The following ENOX1 variants were observed in gnomAD, a reference collection of about 807,000 sequenced individuals.
ENOX1 encodes ecto-NOX disulfide-thiol exchanger 1, also known as candidate growth-related and time keeping constitutive hydroquinone (NADH) oxidase.
ENOX1 carries 42 observed loss-of-function variants against 82.5 expected under a neutral mutation model. The ratio of observed to expected loss-of-function variants is 0.51; its 90% CI spans 0.40 to 0.66. The LOEUF (loss-of-function observed/expected upper bound fraction) is 0.66, where lower values mean the gene tolerates loss of function less well. Ranked by LOEUF, ENOX1 falls within the 30% of genes least tolerant of loss-of-function variation. The probability of loss-of-function intolerance (pLI) is 0.00; values close to 1 mark genes in which losing one functional copy is unlikely to be tolerated. For missense variants in ENOX1, 608 were observed against 811.6 expected (o/e 0.75, Z 3.05); for synonymous variants, 271 against 282.2 (o/e 0.96, Z 0.40).
At chr13:43,521,527 G>A (rs1333297600) in intron 2 of ENOX1, among the ~76,000 whole-genome samples, 3 of 152,060 alleles carry the variant, frequency 2.0e-5, no homozygotes, top group Non-Finnish European at 4.4e-5. Flanking sequence ...CTATACCTTA[G>A]ACAGACTGCA....
intron 1 of ENOX1, among the ~76,000 whole-genome samples, chr13:43,735,278 T>TA (rs1223024610): frequency 2.0e-5 from 3 of 152,114 alleles, no homozygotes; most frequent in African/African-American, 7.2e-5. Context: ...TAAACAGACA[T>TA]AAAAAATTCC....
intron 2 of ENOX1, among the ~76,000 whole-genome samples, chr13:43,609,166 A>G (rs1391106280): frequency 2.0e-5 from 3 of 152,196 alleles, no homozygotes; most frequent in Admixed American, 1.3e-4. Context: ...TCAGGTGGAT[A>G]TACATAGGTA....
At chr13:43,329,687 T>C (rs1421837834) in intron 9 of ENOX1, among the ~76,000 whole-genome samples, 4 of 152,190 alleles carry the variant, frequency 2.6e-5, no homozygotes, top group Non-Finnish European at 5.9e-5. Context: ...TTTATACTTA[T>C]GAACTTATAC....
intron 1 of ENOX1, among the ~76,000 whole-genome samples, chr13:43,699,293 G>C (rs2086795958): frequency 6.6e-6 from 1 of 152,162 alleles, no homozygotes; most frequent in South Asian, 2.1e-4. Flanking sequence ...TCTGGTTCAG[G>C]AGTCTGATTT....
rs113661732 is a variant in ENOX1, at chr13:43,494,251, C to G, written c.-218-10099G>C. 1.6e-3 allele frequency among the ~76,000 whole-genome samples: 245 copies of G among 152,158 alleles called. 1 individual carries two copies. Among genetic ancestry groups the G allele is most frequent in the African/African-American group, 5.8e-3 (241 of 41,528 alleles). On this transcript the variant is annotated intron_variant, in intron 2 of 16. Coordinates refer to ENST00000690772, the MANE Select transcript of ENOX1 (RefSeq NM_001347969.2). ...AATCACAATTAACTAATACGAAGAC[C>G]CACAGATACTGTGAGACTAATATGA...
At chr13:43,671,309 C>T (rs1234495896) in intron 1 of ENOX1, among the ~76,000 whole-genome samples, 2 of 152,158 alleles carry the variant, frequency 1.3e-5, no homozygotes, top group African/African-American at 4.8e-5. Flanking sequence ...CGGACTAACA[C>T]ATCATCTAAT....
intron 5 of ENOX1, among the ~76,000 whole-genome samples, chr13:43,392,232 T>C (rs1183265661): frequency 1.3e-5 from 2 of 152,380 alleles, no homozygotes; most frequent in South Asian, 2.1e-4. Context: ...CCATTTCTAA[T>C]GATACGTTCA....
chr13:43,716,263 G>A (rs537247242), intron 1 of ENOX1, among the ~76,000 whole-genome samples: 1 of 152,232 alleles, frequency 6.6e-6, no homozygotes, highest in African/African-American at 2.4e-5. Flanking sequence ...CTGTTTGTTA[G>A]TTTTCCTTCT....
At chr13:43,547,687 T>C (rs1330595793) in intron 2 of ENOX1, 1 of 152,214 alleles carries the variant, frequency 6.6e-6, no homozygotes, top group Non-Finnish European at 1.5e-5. Context: ...ATGAGTAGTC[T>C]GAGTTAACAA....
chr13:43,731,583 T>C (rs1356401155), intron 1 of ENOX1, among the ~76,000 whole-genome samples: 1 of 151,580 alleles, frequency 6.6e-6, no homozygotes, highest in Non-Finnish European at 1.5e-5. Context: ...CATTCTGGAG[T>C]AAGAGAAGAT....
chr13:43,477,773 A>T (rs2153653301), intron 3 of ENOX1, among the ~76,000 whole-genome samples: 1 of 152,250 alleles, frequency 6.6e-6, no homozygotes, highest in East Asian at 1.9e-4. Context: ...CCAAGTTTTC[A>T]TTGTTTCTAC....
rs183575860 is a variant in ENOX1 at position 43,542,781 on chromosome 13, C to T, written c.-218-58629G>A. 2.0e-4 allele frequency among the ~76,000 whole-genome samples: 30 copies of T among 152,286 alleles called. No individual in the cohort carries two copies. In the East Asian group the frequency reaches 5.0e-3, roughly 25 times the overall value. ...GACTGCTGTAATACAATACTGTACA[C>T]TGGGTGGCTTATAAACAACAGAAAT... is the stretch of plus-strand genomic sequence containing the variant. On this transcript the variant is annotated intron_variant, in intron 2 of 16. Coordinates refer to ENST00000690772, the MANE Select transcript of ENOX1 (RefSeq NM_001347969.2).
chr13:43,232,093 CTTTTTTTTTT>C lies in ENOX1; in HGVS notation c.1714+4533_1714+4542del, dbSNP rs33932346. Among the ~76,000 whole-genome samples the C allele has an allele frequency of 5.5e-5, 6 of 109,554 alleles. No homozygotes were observed. In the Admixed American group the frequency reaches 5.6e-4, roughly 10 times the overall value. The allele number at this position is 109,554 out of a possible 152,430, so 71.9% of individuals were successfully genotyped here. Reference sequence around the variant, plus strand: ...GGTGCATGCCACCATGCCCAGCTAACTTTTTTTTTTTTTTTTTTTTGTAGAGATGGGAGTC... The same window carrying C: ...GGTGCATGCCACCATGCCCAGCTAACTTTTTTTTTTGTAGAGATGGGAGTC... On this transcript the variant is annotated intron_variant, in intron 15 of 16. Transcript: ENST00000690772.
chr13:43,731,731 C>G (rs1470079173), intron 1 of ENOX1, among the ~76,000 whole-genome samples: 1 of 152,166 alleles, frequency 6.6e-6, no homozygotes, highest in Non-Finnish European at 1.5e-5. Flanking sequence ...CACTGTCTAA[C>G]TGGCTTAAAG....
intron 2 of ENOX1, among the ~76,000 whole-genome samples, chr13:43,658,136 G>C (rs1313071890): frequency 6.6e-6 from 1 of 152,086 alleles, no homozygotes; most frequent in Non-Finnish European, 1.5e-5. Context: ...AATATAAAAA[G>C]TTATGTTTAT....
chr13:43,377,215 T>C (rs569537873), intron 5 of ENOX1, among the ~76,000 whole-genome samples: 3 of 152,286 alleles, frequency 2.0e-5, no homozygotes, highest in African/African-American at 7.2e-5. Flanking sequence ...GGTTAGTTAT[T>C]GTGAGAGCGG....
chr13:43,249,878 C>T (rs543497838), intron 14 of ENOX1, among the ~76,000 whole-genome samples: 3 of 152,274 alleles, frequency 2.0e-5, no homozygotes, highest in South Asian at 2.1e-4. Flanking sequence ...CTCTATTCAC[C>T]GCTGCCTTGC....
intron 1 of ENOX1, among the ~76,000 whole-genome samples, chr13:43,681,686 A>AACAT (rs2085791352): frequency 7.4e-6 from 1 of 135,264 alleles, no homozygotes. Context: ...ATAATGCATA[A>AACAT]ACACACACAC....
At chr13:43,599,435 C>T (rs1333352964) in intron 2 of ENOX1, among the ~76,000 whole-genome samples, 1 of 151,934 alleles carries the variant, frequency 6.6e-6, no homozygotes, top group East Asian at 2.0e-4. Flanking sequence ...AGGAAAGCAA[C>T]ACTAGGCAGA....
Sources: gnomAD v4.1 joint callset for allele counts (sites outside exome capture counted in the v4.1 genomes callset) on GRCh38, gnomAD v4.1.1 for gene constraint, MANE v1.5 for transcripts, NCBI Gene and HGNC (gene_info 2026-07-23, HGNC 2026-07-21) for gene names.